Variants in APIP observed in about 807,000 individuals in gnomAD.
The protein encoded by APIP is methylthioribulose-1-phosphate dehydratase.
In APIP, 32 loss-of-function variants were observed where a neutral mutation model predicts 32.0. The observed-to-expected ratio is 1.00, with a 90% CI of 0.76 to 1.34. The LOEUF (loss-of-function observed/expected upper bound fraction) is 1.34, where lower values mean the gene tolerates loss of function less well. Among genes scored for constraint, APIP ranks in the 40% most tolerant of loss-of-function variants. APIP has a pLI of 0.00. For missense variants in APIP, 247 were observed against 298.6 expected (o/e 0.83, Z 1.27); for synonymous variants, 92 against 94.8 (o/e 0.97, Z 0.17).
Position 34,884,678 on chromosome 11 carries a change from C to T in APIP, c.462-1174G>A, listed in dbSNP as rs12223047. 5.2e-3 allele frequency among the ~76,000 whole-genome samples: 787 copies of T among 151,174 alleles called. 21 individuals are homozygous for T. The East Asian group carries it at 0.081, about 16-fold the overall frequency. Reference sequence around the variant, plus strand: ...AGGCGGAGGTTGCATAAGACAAGATCGAGACACTACACTCTAGCCTTGGCG... The same window carrying T: ...AGGCGGAGGTTGCATAAGACAAGATTGAGACACTACACTCTAGCCTTGGCG... On this transcript the variant is annotated intron_variant, in intron 5 of 6. Transcript: ENST00000395787.
At chr11:34,882,994 C>A (rs1852992313) in intron 6 of APIP, among the ~76,000 whole-genome samples, 178 bp from the exon 7 acceptor site, 1 of 152,182 alleles carries the variant, frequency 6.6e-6, no homozygotes, top group Admixed American at 6.5e-5. Context: ...AGAAAGGAAT[C>A]ATATTAAGTC....
At chr11:34,913,701 C>T (rs1232837729) in intron 1 of APIP, among the ~76,000 whole-genome samples, 1 of 152,242 alleles carries the variant, frequency 6.6e-6, no homozygotes, top group Non-Finnish European at 1.5e-5. Flanking sequence ...GTTGCCGCTG[C>T]TGGCTCTGGT....
At chr11:34,914,195 A>G (rs16926431) in intron 1 of APIP, among the ~76,000 whole-genome samples, 28,819 of 152,164 alleles carry the variant, frequency 0.19, 3,905 homozygotes, top group African/African-American at 0.39. Flanking sequence ...ATATCGTCAT[A>G]TGTCAAACTA....
intron 1 of APIP, among the ~76,000 whole-genome samples, chr11:34,900,488 G>A (rs1219857002): frequency 2.0e-5 from 3 of 152,050 alleles, no homozygotes; most frequent in African/African-American, 4.8e-5. Context: ...GGAGACTTAG[G>A]CCGATTTTCT....
In APIP at chr11:34,908,527, A is replaced by G. The variant is rs1170354069; in HGVS notation, c.57+7701T>C. On this transcript the variant is annotated intron_variant, in intron 1 of 6. Coordinates refer to ENST00000395787, the MANE Select transcript of APIP (RefSeq NM_015957.4). ...TCTCTCTTCTACCTTCACCACACTT[A>G]AAAACCCTCCTCCTCCTCATCAGTC... Among the ~76,000 whole-genome samples, 5 of 152,186 alleles carry G rather than the reference A, an allele frequency of 3.3e-5. No homozygotes were observed. The East Asian group carries it at 7.7e-4, about 23-fold the overall frequency.
At chr11:34,896,726 G>GGAA in intron 1 of APIP, 1 of 1,079,872 alleles carries the variant, frequency 9.3e-7, no homozygotes, top group South Asian at 1.3e-5. Flanking sequence ...GCATAATAAA[G>GGAA]CAACAACAAC....
chr11:34,888,304 T>C lies in APIP; in HGVS notation c.450A>G (p.Gly150=), dbSNP rs201251506. The C allele has an allele frequency of 8.1e-6, 13 of 1,595,618 alleles. No individual in the cohort carries two copies. In the Admixed American group the frequency reaches 2.2e-4, roughly 27 times the overall value. ...MIKGIKKCTS[G]GYYRYDDMLV... is the part of the protein sequence containing the mutation. ...GGAAAAAAAAATACCTATAATACCC[T>C]CCGGAAGTACATTTCTTTATTCCTT... is the stretch of plus-strand genomic sequence containing the variant. Residue 150 remains glycine, a synonymous_variant, in exon 5 of 7, where the codon GGA becomes GGG. Transcript: ENST00000395787.
chr11:34,914,042 T>G (rs1233686644), intron 1 of APIP, among the ~76,000 whole-genome samples: 1 of 152,212 alleles, frequency 6.6e-6, no homozygotes, highest in Non-Finnish European at 1.5e-5. Flanking sequence ...TTCCCCTACT[T>G]GGAATATCCT....
intron 1 of APIP, among the ~76,000 whole-genome samples, chr11:34,905,748 T>C (rs758380850): frequency 3.2e-4 from 48 of 152,010 alleles, no homozygotes; most frequent in Non-Finnish European, 6.3e-4. Flanking sequence ...CCGATGGGAG[T>C]GGCATGCTCT....
intron 3 of APIP, 87 bp downstream of exon 3, chr11:34,890,417 G>A: frequency 7.8e-7 from 1 of 1,280,958 alleles, no homozygotes; most frequent in South Asian, 1.4e-5. Context: ...ATGATAAAAT[G>A]AATGTTTTCT....
chr11:34,899,335 T>C (rs961403926), intron 1 of APIP, among the ~76,000 whole-genome samples: 1 of 152,168 alleles, frequency 6.6e-6, no homozygotes, highest in African/African-American at 2.4e-5. Context: ...TTTCAACAGA[T>C]AGGAGTTAAA....
At chr11:34,913,892 G>A (rs181874643) in intron 1 of APIP, among the ~76,000 whole-genome samples, 6 of 152,276 alleles carry the variant, frequency 3.9e-5, no homozygotes, top group South Asian at 2.1e-4. Context: ...GAAGCCCAGC[G>A]GCTTTACCTC....
At chr11:34,888,666 G>T in intron 4 of APIP, 86 bp downstream of exon 4, 1 of 1,232,954 alleles carries the variant, frequency 8.1e-7, no homozygotes. Context: ...GGGTATCCAA[G>T]AAATGTTAAC....
At chr11:34,904,757 G>C (rs1590712412) in intron 1 of APIP, among the ~76,000 whole-genome samples, 1 of 152,118 alleles carries the variant, frequency 6.6e-6, no homozygotes. Context: ...CAAGCCCCTA[G>C]GCAATAAAAG....
At chr11:34,885,568 T>TG (rs1176732636) in intron 5 of APIP, among the ~76,000 whole-genome samples, 2 of 151,896 alleles carry the variant, frequency 1.3e-5, no homozygotes, top group Non-Finnish European at 2.9e-5. Context: ...TAACGAGAAA[T>TG]GGGGGGCAAT....
chr11:34,895,186 G>A, intron 1 of APIP, 76 bp from the exon 2 acceptor site: 1 of 1,289,662 alleles, frequency 7.8e-7, no homozygotes, highest in Non-Finnish European at 1.1e-6. Flanking sequence ...TTTCTAATAA[G>A]AAGCCAATTT....
chr11:34,896,697 C>T (rs749553307), intron 1 of APIP: 86 of 1,078,114 alleles, frequency 8.0e-5, no homozygotes, highest in South Asian at 1.1e-4. Flanking sequence ...GTTCTGCACA[C>T]GTATCCCAGA....
chr11:34,894,267 T>C (rs1417968891), intron 2 of APIP, among the ~76,000 whole-genome samples: 3 of 152,184 alleles, frequency 2.0e-5, no homozygotes, highest in African/African-American at 7.2e-5. Context: ...GCAGGCACTA[T>C]ATTCATTAAT....
intron 2 of APIP, among the ~76,000 whole-genome samples, chr11:34,894,509 C>T (rs938798241): frequency 5.4e-5 from 8 of 148,150 alleles, no homozygotes; most frequent in South Asian, 2.1e-4. Flanking sequence ...ATTAGCCAGG[C>T]GTGGTCGCAC....
Sources: gnomAD v4.1 joint callset for allele counts (sites outside exome capture counted in the v4.1 genomes callset) on GRCh38, gnomAD v4.1.1 for gene constraint, MANE v1.5 for transcripts, NCBI Gene and HGNC (gene_info 2026-07-23, HGNC 2026-07-21) for gene names.